ADAMTSL1: variants seen among roughly 807,000 people sequenced by gnomAD.
The protein encoded by ADAMTSL1 is ADAMTS-like protein 1.
ADAMTSL1 carries 126 observed loss-of-function variants against 201.8 expected under a neutral mutation model. That is an observed-to-expected ratio of 0.62 (90% CI 0.54 to 0.72). The LOEUF is 0.72. Among genes scored for constraint, ADAMTSL1 ranks in the 30% least tolerant of loss-of-function variants. The pLI, the probability that ADAMTSL1 is intolerant of heterozygous loss-of-function variation, is 0.00. For missense variants in ADAMTSL1, 2,679 were observed against 2,277.8 expected (o/e 1.18, Z -3.59); for synonymous variants, 1,121 against 903.4 (o/e 1.24, Z -4.32).
At chr9:18,099,341 ATATATATATATATATTT>A (rs1287893391) in intron 1 of ADAMTSL1, among the ~76,000 whole-genome samples, 1 of 45,450 alleles carries the variant, frequency 2.2e-5, no homozygotes, top group East Asian at 3.6e-4. Context: ...ATATATATAT[ATATATATATATATATTT>A]TTTTTTTTTT....
Position 18,862,117 on chromosome 9 carries a change from C to T in ADAMTSL1, c.4250-25714C>T, listed in dbSNP as rs147002909. On this transcript the variant is annotated intron_variant, in intron 23 of 28. Transcript: ENST00000380548. ...CTGTGCTGTGCCCAGTGAGGCCTCC[C>T]GGGATACGTGCTAGGAATATTAGCC... Among the ~76,000 whole-genome samples, 34 of 152,240 alleles carry T rather than the reference C, an allele frequency of 2.2e-4. No individual in the cohort carries two copies. The East Asian group carries it at 2.7e-3, about 12-fold the overall frequency.
In ADAMTSL1 at chr9:18,574,040, C is replaced by T. The variant is rs761271486; in HGVS notation, c.248C>T (p.Pro83Leu). 1.4e-5 allele frequency: 23 copies of T among 1,613,366 alleles called. No individual in the cohort carries two copies. The highest frequency in any genetic ancestry group is 3.3e-4 in the Middle Eastern group (2 of 6,056). ...YRTCSNVDCP[P>L]EAGDFRAQQC... The stretch of plus-strand genomic sequence containing the variant: ...CTCTTTTTTCTCCAGGACTGCCCAC[C>T]AGAAGCAGGTGATTTCCGAGCTCAG... The change falls in exon 4 of 29, where the codon CCA (proline) becomes CTA (leucine). Residue 83 changes from proline to leucine, a missense_variant. Transcript: ENST00000380548.
rs1479535003 is a variant in ADAMTSL1 at position 18,680,405 on chromosome 9, G to T, written c.1230G>T (p.Gly410=). The T allele has an allele frequency of 1.9e-6, 3 of 1,614,050 alleles. No homozygotes were observed. Among genetic ancestry groups the T allele is most frequent in the Admixed American group, 1.7e-5 (1 of 59,988 alleles). The change falls in exon 11 of 29, where the codon GGG becomes GGT. Residue 410 remains glycine, a synonymous_variant. Transcript: ENST00000380548. ...AVSCVEEDIQ[G]HVTSVEEWKC... ...CCTGTGTGGAGGAGGACATCCAGGG[G>T]CATGTCACTTCAGTGGAAGAGTGGA...
chr9:18,027,170 A>G (rs917039105), intron 1 of ADAMTSL1, among the ~76,000 whole-genome samples: 1 of 149,012 alleles, frequency 6.7e-6, no homozygotes, highest in Admixed American at 6.7e-5. Context: ...CAAACTTTTG[A>G]TTTCATTGGT....
rs951744498 is a variant in ADAMTSL1, at chr9:17,981,406, A to C, written c.87+74484A>C. 6.6e-5 allele frequency among the ~76,000 whole-genome samples: 10 copies of C among 152,304 alleles called. 1 individual carries two copies. In the East Asian group the frequency reaches 1.4e-3, roughly 21 times the overall value. Reference sequence around the variant, plus strand: ...TTATTTCATTAAGTATGCTAGTCCTAGTTATTTTGGTCATTTAAACATCTA... The same window carrying C: ...TTATTTCATTAAGTATGCTAGTCCTCGTTATTTTGGTCATTTAAACATCTA... On this transcript the variant is annotated intron_variant, in intron 1 of 29. Transcript: ENST00000680146.
intron 1 of ADAMTSL1, among the ~76,000 whole-genome samples, chr9:18,140,259 A>T (rs527324559): frequency 2.6e-5 from 4 of 152,298 alleles, no homozygotes; most frequent in East Asian, 1.9e-4. Context: ...CTTTTTCTTT[A>T]TCCTCTTTGC....
At chr9:18,342,690 T>C (rs1255526064) in intron 2 of ADAMTSL1, among the ~76,000 whole-genome samples, 1 of 152,134 alleles carries the variant, frequency 6.6e-6, no homozygotes, top group Non-Finnish European at 1.5e-5. Flanking sequence ...CTCTTCCCGA[T>C]GTGGTTGTGC....
chr9:18,185,819 A>G (rs1374632976), intron 2 of ADAMTSL1, among the ~76,000 whole-genome samples: 2 of 151,362 alleles, frequency 1.3e-5, no homozygotes, highest in Admixed American at 6.6e-5. Context: ...TGTAAAATAC[A>G]TGCTGTACAA....
At chr9:17,913,602 A>G (rs1364592946) in intron 1 of ADAMTSL1, among the ~76,000 whole-genome samples, 1 of 152,170 alleles carries the variant, frequency 6.6e-6, no homozygotes, top group African/African-American at 2.4e-5. Flanking sequence ...TAACATCACA[A>G]TTAAAAGAAC....
chr9:17,971,794 A>T (rs956712045), intron 1 of ADAMTSL1, among the ~76,000 whole-genome samples: 3 of 151,990 alleles, frequency 2.0e-5, no homozygotes, highest in African/African-American at 7.2e-5. Flanking sequence ...GTGACCATTC[A>T]TCAGGGGAGA....
At chr9:18,527,013 T>C (rs1362024360) in intron 2 of ADAMTSL1, among the ~76,000 whole-genome samples, 1 of 152,100 alleles carries the variant, frequency 6.6e-6, no homozygotes, top group Non-Finnish European at 1.5e-5. Flanking sequence ...TCACAGTGCT[T>C]TAGGAGTTTG....
chr9:18,217,591 A>T (rs1023535121), intron 2 of ADAMTSL1, among the ~76,000 whole-genome samples: 1 of 152,134 alleles, frequency 6.6e-6, no homozygotes, highest in African/African-American at 2.4e-5. Context: ...CTGAGCAGAT[A>T]TATGGACCAT....
rs568584011 is a variant in ADAMTSL1 at position 18,273,776 on chromosome 9, A to G, written c.207+109795A>G. On this transcript the variant is annotated intron_variant, in intron 2 of 29. Coordinates refer to the ADAMTSL1 transcript ENST00000680146. ...TTCCTTGGTTGTAACCTAGATTTCA[A>G]TGGACAAAATGTAATGTGAAGGCTC... Among the ~76,000 whole-genome samples the G allele has an allele frequency of 2.6e-5, 4 of 152,318 alleles. No individual in the cohort carries two copies. In the East Asian group the frequency reaches 5.8e-4, roughly 22 times the overall value.
In ADAMTSL1 at chr9:18,534,483, G is replaced by A. The variant is rs1037537218; in HGVS notation, c.237+1191G>A. On this transcript the variant is annotated intron_variant, in intron 3 of 28. Transcript: ENST00000380548. The stretch of plus-strand genomic sequence containing the variant: ...CTTGAAAAGCATTTGAAATTAGAGT[G>A]ATAAGTTGAAGCGGGAATAAAGGAA... Among the ~76,000 whole-genome samples the A allele has an allele frequency of 1.8e-3, 269 of 152,304 alleles. 1 individual carries two copies. The highest frequency in any genetic ancestry group is 6.2e-3 in the African/African-American group (257 of 41,566).
chr9:18,483,377 G>C (rs1821826299), intron 1 of ADAMTSL1, among the ~76,000 whole-genome samples: 1 of 151,930 alleles, frequency 6.6e-6, no homozygotes, highest in Admixed American at 6.6e-5. Context: ...TCCTTCTATT[G>C]AGTTCATTCT....
At chr9:18,610,482 G>A (rs186183527) in intron 4 of ADAMTSL1, among the ~76,000 whole-genome samples, 1 of 152,132 alleles carries the variant, frequency 6.6e-6, no homozygotes, top group South Asian at 2.1e-4. Flanking sequence ...CTACCCTAAA[G>A]AGACCCAATT....
rs73428912 is a variant in ADAMTSL1, at chr9:18,294,646, C to T, written c.207+130665C>T. On this transcript the variant is annotated intron_variant, in intron 2 of 29. Transcript: ENST00000680146. ...GGAAAATGCTGTGGGAATGCTTGAGCCCTTTCTAAGGAAAGCTCTCAGTCT... is the reference window on the plus strand; with the variant it reads ...GGAAAATGCTGTGGGAATGCTTGAGTCCTTTCTAAGGAAAGCTCTCAGTCT... Among the ~76,000 whole-genome samples the T allele has an allele frequency of 5.5e-3, 842 of 152,294 alleles. 12 individuals are homozygous for T. Among genetic ancestry groups the T allele is most frequent in the African/African-American group, 0.019 (799 of 41,546 alleles).
At chr9:18,802,270 C>G (rs1365140426) in intron 20 of ADAMTSL1, among the ~76,000 whole-genome samples, 2 of 151,730 alleles carry the variant, frequency 1.3e-5, no homozygotes, top group Non-Finnish European at 2.9e-5. Flanking sequence ...GACCCTGTCT[C>G]CAAAAACAAA....
chr9:18,043,547 C>A (rs1456954378), intron 1 of ADAMTSL1, among the ~76,000 whole-genome samples: 1 of 152,020 alleles, frequency 6.6e-6, no homozygotes, highest in Non-Finnish European at 1.5e-5. Flanking sequence ...GTTCACCAAC[C>A]TACTAGATGG....
Sources: allele counts gnomAD v4.1 joint callset (sites outside exome capture counted in the v4.1 genomes callset), GRCh38; gene constraint gnomAD v4.1.1; transcripts MANE v1.5; gene names NCBI Gene and HGNC (gene_info 2026-07-23, HGNC 2026-07-21).